CA7: variants seen among roughly 807,000 people sequenced by gnomAD.
The protein encoded by CA7 is carbonic anhydrase 7.
Under a neutral mutation model 31.4 loss-of-function variants are expected in CA7, and 13 were observed. The ratio of observed to expected loss-of-function variants is 0.41; its 90% CI spans 0.27 to 0.66. CA7 has a LOEUF of 0.66. Ranked by LOEUF, CA7 falls within the 30% of genes least tolerant of loss-of-function variation. CA7 has a pLI of 0.28. For synonymous variants in CA7, 128 were observed against 133.2 expected (o/e 0.96, Z 0.27); for missense variants, 215 against 351.0 (o/e 0.61, Z 3.10).
chr16:66,847,766 GTCTC>G (rs989967983), intron 2 of CA7, among the ~76,000 whole-genome samples: 2 of 151,516 alleles, frequency 1.3e-5, no homozygotes, highest in South Asian at 2.1e-4. Context: ...CAGCCTGAAG[GTCTC>G]TCTCTCTCTC....
At chr16:66,850,690 G>T (rs749092455) in intron 3 of CA7, 31 bp downstream of exon 3, 3 of 1,460,830 alleles carry the variant, frequency 2.1e-6, no homozygotes, top group African/African-American at 2.8e-5. Flanking sequence ...GAATCCCTCT[G>T]CTACATGGGA....
chr16:66,852,329 G>A (rs1033273679), intron 5 of CA7, among the ~76,000 whole-genome samples: 1 of 151,990 alleles, frequency 6.6e-6, no homozygotes, highest in African/African-American at 2.4e-5. Flanking sequence ...CAGGTATGGT[G>A]GTGCATGCCT....
chr16:66,844,943 C>T, intron 1 of CA7: 1 of 1,006,226 alleles, frequency 9.9e-7, no homozygotes, highest in Non-Finnish European at 1.2e-6. Context: ...GGCAAGTGAG[C>T]GGGGACCTCG....
chr16:66,850,393 T>A (rs1392961068), intron 2 of CA7, 148 bp from the exon 3 acceptor site: 2 of 669,330 alleles, frequency 3.0e-6, no homozygotes, highest in Admixed American at 2.1e-5. Flanking sequence ...ATAAGCCATG[T>A]TTGCACCATG....
At chr16:66,848,429 G>A (rs527548845) in intron 2 of CA7, among the ~76,000 whole-genome samples, 31 of 152,286 alleles carry the variant, frequency 2.0e-4, no homozygotes, top group African/African-American at 7.5e-4. Context: ...GGGCACTGGG[G>A]GCTCAACTAA....
At chr16:66,844,561 G>C (rs1163612900) in intron 1 of CA7, 34 bp downstream of exon 1, 16 of 1,527,876 alleles carry the variant, frequency 1.0e-5, no homozygotes, top group Admixed American at 2.0e-5. Flanking sequence ...CCTCTGGCTC[G>C]GACCCCCGAC....
At chr16:66,849,510 T>C (rs1358890927) in intron 2 of CA7, among the ~76,000 whole-genome samples, 1 of 152,214 alleles carries the variant, frequency 6.6e-6, no homozygotes, top group Non-Finnish European at 1.5e-5. Context: ...GTGCCTCAGC[T>C]TCTCTCTTTG....
chr16:66,845,217 A>G, intron 1 of CA7: 2 of 985,390 alleles, frequency 2.0e-6, no homozygotes, highest in Non-Finnish European at 2.4e-6. Context: ...ACTCAGAGAA[A>G]GGGAGAAGAG....
At chr16:66,847,331 T>C (rs937803875) in intron 2 of CA7, 104 bp downstream of exon 2, 4 of 996,486 alleles carry the variant, frequency 4.0e-6, no homozygotes, top group African/African-American at 3.2e-5. Context: ...GTAAGAAAGG[T>C]TCCTCCTCTC....
In CA7 at chr16:66,850,122, C is replaced by CA. The variant is rs4000640; in HGVS notation, c.239-398dup. On this transcript the variant is annotated intron_variant, in intron 2 of 6. Transcript: ENST00000338437. ...TCGGTGACAGAGCGAGACTCCATCTCAAAAAAAAAAAAAAAAAAAAAGGAA... is the reference window on the plus strand; with the variant it reads ...TCGGTGACAGAGCGAGACTCCATCTCAAAAAAAAAAAAAAAAAAAAAAGGAA... 5.3e-3 allele frequency among the ~76,000 whole-genome samples: 436 copies of CA among 82,274 alleles called. 4 individuals carry two copies. Among genetic ancestry groups the CA allele is most frequent in the East Asian group, 7.1e-3 (21 of 2,942 alleles). The allele number at this position is 82,274 out of a possible 152,430, so 54.0% of individuals were successfully genotyped here. A position where few individuals can be genotyped will look rare whatever the true frequency, so the allele number is the denominator to read the frequency against.
chr16:66,850,383 A>T (rs1567506391), intron 2 of CA7, among the ~76,000 whole-genome samples, 158 bp from the exon 3 acceptor site: 1 of 152,098 alleles, frequency 6.6e-6, no homozygotes, highest in African/African-American at 2.4e-5. Flanking sequence ...TGAGGCTATC[A>T]TAAGCCATGT....
chr16:66,850,705 A>G, intron 3 of CA7, 46 bp downstream of exon 3: 1 of 1,384,254 alleles, frequency 7.2e-7, no homozygotes. Context: ...ATGGGAAGGA[A>G]CGCAGGCCTG....
At chr16:66,844,666 G>A (rs1960885739) in intron 1 of CA7, 139 bp downstream of exon 1, 5 of 710,362 alleles carry the variant, frequency 7.0e-6, no homozygotes, top group Non-Finnish European at 1.1e-5. Flanking sequence ...TTCCCATCCC[G>A]GCCCCCGAAC....
chr16:66,846,410 G>A (rs1960930255), intron 1 of CA7, among the ~76,000 whole-genome samples: 1 of 152,174 alleles, frequency 6.6e-6, no homozygotes, highest in Non-Finnish European at 1.5e-5. Context: ...GATCTCTATG[G>A]ACTTGCAGGC....
intron 2 of CA7, among the ~76,000 whole-genome samples, chr16:66,850,292 T>C (rs1961012470): frequency 6.6e-6 from 1 of 151,676 alleles, no homozygotes; most frequent in Admixed American, 6.6e-5. Context: ...ATAAACAAAT[T>C]AGCTAGGTGT....
At chr16:66,844,683 C>G (rs1376417458) in intron 1 of CA7, among the ~76,000 whole-genome samples, 156 bp downstream of exon 1, 2 of 152,270 alleles carry the variant, frequency 1.3e-5, no homozygotes, top group African/African-American at 4.8e-5. Context: ...GAACTTGGCC[C>G]AAGCCTTGGT....
At position 66,853,431 on chromosome 16, in the gene CA7, T is replaced by A; in HGVS notation, c.728T>A (p.Met243Lys). ...TCGGAGGACGATGAGAGGATCCACATGGTGAACAACTTCCGGCCACCACAG... is the reference window on the plus strand; with the variant it reads ...TCGGAGGACGATGAGAGGATCCACAAGGTGAACAACTTCCGGCCACCACAG... Reference protein sequence around the residue: ...FTSEDDERIHMVNNFRPPQPL... With the variant: ...FTSEDDERIHKVNNFRPPQPL... Residue 243 changes from methionine (M) to lysine (K), a missense_variant, in exon 7 of 7, where the codon ATG becomes AAG. By Grantham distance (95) the Met-to-Lys change is moderately conservative. Coordinates refer to ENST00000338437, the MANE Select transcript of CA7 (RefSeq NM_005182.3). This position sits in a 1 kb window ranked among gnomAD's most constrained non-coding sequence, Gnocchi z 4.5. 6.2e-7 allele frequency: 1 copy of A among 1,614,150 alleles called. No homozygotes were observed. The highest frequency in any genetic ancestry group is 8.5e-7 in the Non-Finnish European group (1 of 1,180,014).
intron 5 of CA7, among the ~76,000 whole-genome samples, chr16:66,852,452 G>A (rs1025368968): frequency 1.4e-5 from 2 of 147,264 alleles, no homozygotes; most frequent in Non-Finnish European, 3.0e-5. Flanking sequence ...GACAGAGTGA[G>A]ACTCCACCTC....
chr16:66,851,786 C>T (rs1597063446), intron 5 of CA7, 60 bp downstream of exon 5: 1 of 1,466,138 alleles, frequency 6.8e-7, no homozygotes, highest in Non-Finnish European at 9.4e-7. Flanking sequence ...GGCTGGCTCA[C>T]AAGTTGGGCC....
Sources: allele counts gnomAD v4.1 joint callset (sites outside exome capture counted in the v4.1 genomes callset), GRCh38; gene constraint gnomAD v4.1.1; non-coding constraint Gnocchi (gnomAD v3.1); transcripts MANE v1.5; gene names NCBI Gene and HGNC (gene_info 2026-07-23, HGNC 2026-07-21).